The following NEURL1 variants were observed in gnomAD, a reference collection of about 807,000 sequenced individuals.
NEURL1 encodes the protein E3 ubiquitin-protein ligase NEURL1.
NEURL1 carries 26 observed loss-of-function variants against 41.2 expected under a neutral mutation model. That is an observed-to-expected ratio of 0.63 (90% CI 0.46 to 0.87). The LOEUF (loss-of-function observed/expected upper bound fraction) is 0.87. NEURL1 is among the 40% of genes least tolerant of loss of function. The pLI is 0.00. For missense variants in NEURL1, 761 were observed against 871.1 expected, an observed-to-expected ratio of 0.87 and a Z score of 1.59; for synonymous variants, 400 against 402.3, an observed-to-expected ratio of 0.99 and a Z score of 0.07.
chr10:103,555,277 G>A (rs1592218612), intron 1 of NEURL1: 2 of 1,131,574 alleles, frequency 1.8e-6, no homozygotes, highest in Non-Finnish European at 2.2e-6. Context: ...GTCTCCGCCC[G>A]CGGGGGAGGA....
At chr10:103,511,433 G>C (rs1476101130) in intron 1 of NEURL1, among the ~76,000 whole-genome samples, 1 of 152,202 alleles carries the variant, frequency 6.6e-6, no homozygotes, top group Admixed American at 6.5e-5. Context: ...GCATCTGAGG[G>C]GACCTGGGGT....
chr10:103,562,774 C>G (rs146974665), intron 1 of NEURL1, among the ~76,000 whole-genome samples: 1 of 152,052 alleles, frequency 6.6e-6, no homozygotes, highest in African/African-American at 2.4e-5. Flanking sequence ...AATCTACGTC[C>G]GAAGGATGCA....
rs985738504 is a variant in NEURL1 at position 103,566,096 on chromosome 10, C to CT, written c.86-4766dup. Reference sequence around the variant, plus strand: ...ATATGGAACATTATTTCTTTCTTTTCTTTTTTTTTTAGAGACAGAATCATG... The same window carrying CT: ...ATATGGAACATTATTTCTTTCTTTTCTTTTTTTTTTTAGAGACAGAATCATG... On this transcript the variant is annotated intron_variant, in intron 1 of 5. Coordinates refer to ENST00000369780, the MANE Select transcript of NEURL1 (RefSeq NM_004210.5). This position sits in a 1 kb window ranked among gnomAD's most constrained non-coding sequence, Gnocchi z 4.2. Among the ~76,000 whole-genome samples, 49 of 147,858 alleles carry CT rather than the reference C, an allele frequency of 3.3e-4. No individual in the cohort carries two copies. Among genetic ancestry groups the CT allele is most frequent in the Non-Finnish European group, 5.6e-4 (37 of 66,628 alleles).
In NEURL1 at chr10:103,583,768, A is replaced by T. The variant is rs2035835907; in HGVS notation, c.650-768A>T. The stretch of plus-strand genomic sequence containing the variant: ...CAAAAAACCCAAAAATACAGCCTTT[A>T]AAAAGGCCAAAAGATCATACATCCA... On this transcript the variant is annotated intron_variant, in intron 3 of 5. Transcript: ENST00000369780. 1.3e-5 allele frequency among the ~76,000 whole-genome samples: 2 copies of T among 148,642 alleles called. 1 individual carries two copies. The highest frequency in any genetic ancestry group is 5.0e-5 in the African/African-American group (2 of 40,388).
intron 1 of NEURL1, among the ~76,000 whole-genome samples, chr10:103,554,862 AC>A (rs1199310590): frequency 6.6e-6 from 1 of 152,064 alleles, no homozygotes; most frequent in Non-Finnish European, 1.5e-5. Flanking sequence ...ACCTAGCAGG[AC>A]CTCTGCATGT....
chr10:103,542,070 C>T (rs897366108), intron 1 of NEURL1, among the ~76,000 whole-genome samples: 2 of 152,180 alleles, frequency 1.3e-5, no homozygotes, highest in Non-Finnish European at 2.9e-5. Context: ...ATCTATGCCT[C>T]ATTGGCCAGA....
chr10:103,500,540 T>G (rs1384704411), intron 1 of NEURL1, among the ~76,000 whole-genome samples: 2 of 152,136 alleles, frequency 1.3e-5, no homozygotes, highest in East Asian at 1.9e-4. Context: ...GGGGGAGTAA[T>G]TTTTGCGTCT....
At chr10:103,554,539 C>T (rs2035105485) in intron 1 of NEURL1, among the ~76,000 whole-genome samples, 3 of 152,154 alleles carry the variant, frequency 2.0e-5, no homozygotes, top group Admixed American at 2.0e-4. Flanking sequence ...TGGTGCTGCA[C>T]TGCCTGGGTT....
At chr10:103,589,410 G>A (rs1476949753) in intron 4 of NEURL1, 104 bp from the exon 5 acceptor site, 6 of 1,298,596 alleles carry the variant, frequency 4.6e-6, no homozygotes, top group Non-Finnish European at 6.3e-6. Context: ...CCCTGTGGCT[G>A]GGCTGTGTGG....
chr10:103,560,223 T>G (rs2035264051), intron 1 of NEURL1, among the ~76,000 whole-genome samples: 2 of 152,314 alleles, frequency 1.3e-5, no homozygotes, highest in South Asian at 4.1e-4. Flanking sequence ...CTGATGTTAC[T>G]GGGCTGCACT....
chr10:103,505,582 C>T (rs372167404), intron 1 of NEURL1, among the ~76,000 whole-genome samples: 3 of 152,270 alleles, frequency 2.0e-5, no homozygotes, highest in African/African-American at 7.2e-5. Context: ...CCAGGCTGGT[C>T]TCAAACTCCT....
chr10:103,562,478 C>A (rs932622537), intron 1 of NEURL1, among the ~76,000 whole-genome samples: 32 of 152,228 alleles, frequency 2.1e-4, no homozygotes, highest in African/African-American at 7.7e-4. Context: ...ACCTTGCAGC[C>A]TTTCCCAGTG....
intron 1 of NEURL1, among the ~76,000 whole-genome samples, chr10:103,548,150 A>G (rs1360704698): frequency 6.6e-6 from 1 of 152,124 alleles, no homozygotes; most frequent in Non-Finnish European, 1.5e-5. Flanking sequence ...TGTTTAATCT[A>G]CTTCCTTAGA....
chr10:103,536,684 A>G (rs1236938174), intron 1 of NEURL1, among the ~76,000 whole-genome samples: 1 of 152,160 alleles, frequency 6.6e-6, no homozygotes, highest in Non-Finnish European at 1.5e-5. Flanking sequence ...TTTTTAATGG[A>G]CAATCCTTTA....
intron 1 of NEURL1, among the ~76,000 whole-genome samples, chr10:103,500,072 A>G (rs2033787345): frequency 6.6e-6 from 1 of 152,182 alleles, no homozygotes; most frequent in Admixed American, 6.5e-5. Flanking sequence ...CCGGGAATGC[A>G]GCAGACGGAT....
At chr10:103,497,810 A>G (rs1199393518) in intron 1 of NEURL1, among the ~76,000 whole-genome samples, 1 of 152,096 alleles carries the variant, frequency 6.6e-6, no homozygotes, top group African/African-American at 2.4e-5. Flanking sequence ...CTGGAGATCT[A>G]CTCAAAAGGC....
chr10:103,520,416 G>A (rs137933726), intron 1 of NEURL1, among the ~76,000 whole-genome samples: 1,761 of 152,254 alleles, frequency 0.012, 24 homozygotes, highest in African/African-American at 0.04. Flanking sequence ...AGGGTCACAA[G>A]GTGCTCAGTG....
chr10:103,535,823 G>C (rs971682419), intron 1 of NEURL1, among the ~76,000 whole-genome samples: 1 of 152,180 alleles, frequency 6.6e-6, no homozygotes, highest in Non-Finnish European at 1.5e-5. Flanking sequence ...CTGGGCTGGG[G>C]TGGAGGGTGG....
intron 1 of NEURL1, among the ~76,000 whole-genome samples, chr10:103,564,756 AG>A (rs1262596333): frequency 1.3e-5 from 2 of 152,182 alleles, no homozygotes; most frequent in Non-Finnish European, 2.9e-5. Context: ...TACATAGTGT[AG>A]GGGGGAAGCC....
Sources: gnomAD v4.1 joint callset for allele counts (sites outside exome capture counted in the v4.1 genomes callset) on GRCh38, gnomAD v4.1.1 for gene constraint, Gnocchi (gnomAD v3.1) non-coding constraint, MANE v1.5 for transcripts, NCBI Gene and HGNC (gene_info 2026-07-23, HGNC 2026-07-21) for gene names.